The following PTGES variants were observed in gnomAD, a reference collection of about 807,000 sequenced individuals.
PTGES encodes the protein prostaglandin E synthase.
A neutral mutation model predicts 11.8 loss-of-function variants in PTGES; 3 were observed. The ratio of observed to expected loss-of-function variants is 0.25; its 90% CI spans 0.12 to 0.66. PTGES has a LOEUF of 0.66. PTGES is among the 30% of genes least tolerant of loss of function. The pLI is 0.82. For missense variants in PTGES, 180 were observed against 213.0 expected (o/e 0.85, Z 0.96); for synonymous variants, 94 against 90.4 (o/e 1.04, Z -0.22).
At chr9:129,744,413 A>T (rs558975197) in intron 2 of PTGES, among the ~76,000 whole-genome samples, 1 of 152,188 alleles carries the variant, frequency 6.6e-6, no homozygotes, top group South Asian at 2.1e-4. Flanking sequence ...CTACAACAAT[A>T]AAAATTTAAA....
chr9:129,745,138 G>A lies in PTGES; in HGVS notation c.209+3517C>T, dbSNP rs984356774. ...AAGTCTATACACTCCAAACAGAAAT[G>A]CTCCAAGCTTAGGTCGCACGTTTGC... On this transcript the variant is annotated intron_variant, in intron 2 of 2. Transcript: ENST00000340607. This position sits in a 1 kb window ranked among gnomAD's most constrained non-coding sequence, Gnocchi z 4.2. 6.6e-6 allele frequency among the ~76,000 whole-genome samples: 1 copy of A among 151,578 alleles called. No individual in the cohort carries two copies. Among genetic ancestry groups the A allele is most frequent in the South Asian group, 2.1e-4 (1 of 4,778 alleles).
Position 129,752,904 on chromosome 9 carries a change from C to T in PTGES, c.109G>A (p.Val37Met), listed in dbSNP as rs200539797. 1.2e-5 allele frequency: 20 copies of T among 1,613,898 alleles called. No homozygotes were observed. The highest frequency in any genetic ancestry group is 1.7e-5 in the Non-Finnish European group (20 of 1,180,062). Residue 37 changes from valine (V) to methionine (M), a missense_variant, in exon 1 of 3, where the codon GTG becomes ATG. By Grantham distance (21) the Val-to-Met change is conservative. Coordinates refer to ENST00000340607, the MANE Select transcript of PTGES (RefSeq NM_004878.5). The stretch of plus-strand genomic sequence containing the variant: ...GCACATACCTTCTTCCGCAGCCTCA[C>T]TTGGCCCGTGATGATGGCCACCACG... ...MYVVAIITGQ[V>M]RLRKKAFANP... is the part of the protein sequence containing the mutation.
At chr9:129,741,430 C>T (rs757083151) in intron 2 of PTGES, among the ~76,000 whole-genome samples, 2 of 152,164 alleles carry the variant, frequency 1.3e-5, no homozygotes, top group Non-Finnish European at 2.9e-5. Flanking sequence ...CATCTGGGTC[C>T]GCATATCCCG....
Position 129,748,644 on chromosome 9 carries a change from G to C in PTGES, c.209+11C>G. ...CCAGGTGTGGCCAGGCCAGGGGCCCGAAGTACTTGCCTGAGGCAGCGTTCC... is the reference window on the plus strand; with the variant it reads ...CCAGGTGTGGCCAGGCCAGGGGCCCCAAGTACTTGCCTGAGGCAGCGTTCC... On this transcript the variant is annotated intron_variant, in intron 2 of 2. Coordinates refer to ENST00000340607, the MANE Select transcript of PTGES (RefSeq NM_004878.5). 1.3e-6 allele frequency: 2 copies of C among 1,564,868 alleles called. No individual in the cohort carries two copies. Among genetic ancestry groups the C allele is most frequent in the Admixed American group, 2.0e-5 (1 of 48,890 alleles).
At chr9:129,747,229 A>G (rs11999683) in intron 2 of PTGES, among the ~76,000 whole-genome samples, 2,785 of 152,344 alleles carry the variant, frequency 0.018, 47 homozygotes, top group African/African-American at 0.049. Context: ...ACCAACATGG[A>G]AAGTGTTCGC....
At chr9:129,751,437 G>C (rs1833107231) in intron 1 of PTGES, among the ~76,000 whole-genome samples, 1 of 151,946 alleles carries the variant, frequency 6.6e-6, no homozygotes, top group African/African-American at 2.4e-5. Flanking sequence ...CCAACACTTT[G>C]GGAGGCTGAG....
At chr9:129,749,509 G>A (rs1310375144) in intron 1 of PTGES, 1 of 152,370 alleles carries the variant, frequency 6.6e-6, no homozygotes, top group African/African-American at 2.4e-5. Context: ...AGCTGTGTGT[G>A]GTGATACACA....
chr9:129,748,215 TAAAAAAAAAA>T (rs67000610), intron 2 of PTGES, among the ~76,000 whole-genome samples: 1 of 71,028 alleles, frequency 1.4e-5, no homozygotes, highest in African/African-American at 5.8e-5. Context: ...GTTGCCATAT[TAAAAAAAAAA>T]AAAAAAAAAA....
chr9:129,747,905 G>A (rs1833062708), intron 2 of PTGES, among the ~76,000 whole-genome samples: 1 of 151,064 alleles, frequency 6.6e-6, no homozygotes, highest in African/African-American at 2.4e-5. Flanking sequence ...AGCTACTTGG[G>A]AGGCTGAGGC....
In PTGES at chr9:129,748,242, A is replaced by T. The variant is rs111716283; in HGVS notation, c.209+413T>A. On this transcript the variant is annotated intron_variant, in intron 2 of 2. Transcript: ENST00000340607. ...AAAAAAAAAAAAAAAAAAAAAAAGC[A>T]TAGTACAGACCAGAGGATAAAGGGT... 1.0e-3 allele frequency among the ~76,000 whole-genome samples: 150 copies of T among 148,106 alleles called. 1 individual carries two copies. The highest frequency in any genetic ancestry group is 3.4e-3 in the African/African-American group (136 of 40,060).
intron 2 of PTGES, among the ~76,000 whole-genome samples, chr9:129,743,007 C>A (rs894489131): frequency 6.6e-6 from 1 of 152,192 alleles, no homozygotes; most frequent in African/African-American, 2.4e-5. Context: ...GAAGGAGGAA[C>A]AAGACGGGAA....
rs541400305 is a variant in PTGES, at chr9:129,739,912, G to C, written c.210-52C>G. On this transcript the variant is annotated intron_variant, in intron 2 of 2. Coordinates refer to ENST00000340607, the MANE Select transcript of PTGES (RefSeq NM_004878.5). This position sits in a 1 kb window ranked among gnomAD's most constrained non-coding sequence, Gnocchi z 5.7. ...GCCAGGTATTAGCTTTGGGGCCATAGGCCCTTTTGAGAGTGTCATGGAAGC... is the reference window on the plus strand; with the variant it reads ...GCCAGGTATTAGCTTTGGGGCCATACGCCCTTTTGAGAGTGTCATGGAAGC... 2 of 1,527,918 alleles carry C rather than the reference G, an allele frequency of 1.3e-6. No individual in the cohort carries two copies. Among genetic ancestry groups the C allele is most frequent in the South Asian group, 2.5e-5 (2 of 81,204 alleles). The allele number at this position is 1,527,918 out of a possible 1,614,324, so 94.6% of individuals were successfully genotyped here. A position where few individuals can be genotyped will look rare whatever the true frequency, so the allele number is the denominator to read the frequency against.
intron 1 of PTGES, among the ~76,000 whole-genome samples, chr9:129,750,880 C>T (rs1275034687): frequency 3.3e-5 from 5 of 152,132 alleles, no homozygotes; most frequent in African/African-American, 4.8e-5. Context: ...TGATACTTAG[C>T]GCCCAGAGCA....
rs188951194 is a variant in PTGES, at chr9:129,740,499, G to T, written c.210-639C>A. 4.6e-3 allele frequency among the ~76,000 whole-genome samples: 705 copies of T among 152,208 alleles called. 2 individuals are homozygous for T. Among genetic ancestry groups the T allele is most frequent in the Admixed American group, 7.5e-3 (114 of 15,278 alleles). ...TTCAGGGACAATCATAACAAGATCC[G>T]CTCCCACTCACTGGAGCCAACCGAT... is the stretch of plus-strand genomic sequence containing the variant. On this transcript the variant is annotated intron_variant, in intron 2 of 2. Coordinates refer to ENST00000340607, the MANE Select transcript of PTGES (RefSeq NM_004878.5).
At chr9:129,747,977 T>C (rs1429800171) in intron 2 of PTGES, among the ~76,000 whole-genome samples, 1 of 120,466 alleles carries the variant, frequency 8.3e-6, no homozygotes, top group East Asian at 2.5e-4. Context: ...ACCACTGCAC[T>C]CCAGCCTGGG....
chr9:129,752,099 G>A (rs998053389), intron 1 of PTGES, among the ~76,000 whole-genome samples: 7 of 152,324 alleles, frequency 4.6e-5, no homozygotes, highest in African/African-American at 9.6e-5. Flanking sequence ...GGATCCACCC[G>A]CATGCAGTGC....
At chr9:129,740,701 A>G (rs1482087873) in intron 2 of PTGES, among the ~76,000 whole-genome samples, 1 of 152,070 alleles carries the variant, frequency 6.6e-6, no homozygotes, top group African/African-American at 2.4e-5. Context: ...GCTGGTTCAC[A>G]TTTTCCAGAC....
chr9:129,742,512 TG>T (rs1833007274), intron 2 of PTGES, among the ~76,000 whole-genome samples: 2 of 152,100 alleles, frequency 1.3e-5, no homozygotes, highest in South Asian at 4.1e-4. Context: ...GAGTGCCACC[TG>T]GATGAGGAGT....
At chr9:129,746,771 C>T (rs1307748065) in intron 2 of PTGES, among the ~76,000 whole-genome samples, 2 of 152,208 alleles carry the variant, frequency 1.3e-5, no homozygotes, top group African/African-American at 4.8e-5. Context: ...TGACCCCAAC[C>T]CCTGGAGTGC....
Sources: gnomAD v4.1 joint callset for allele counts (sites outside exome capture counted in the v4.1 genomes callset) on GRCh38, gnomAD v4.1.1 for gene constraint, Gnocchi (gnomAD v3.1) non-coding constraint, MANE v1.5 for transcripts, NCBI Gene and HGNC (gene_info 2026-07-23, HGNC 2026-07-21) for gene names.